CHST4: variants seen among roughly 807,000 people sequenced by gnomAD.
The protein encoded by CHST4 is GST-3.
For missense variants in CHST4, 466 were observed against 506.0 expected, an observed-to-expected ratio of 0.92 and a Z score of 0.76; for synonymous variants, 171 against 195.5, an observed-to-expected ratio of 0.87 and a Z score of 1.05.
intron 1 of CHST4, among the ~76,000 whole-genome samples, chr16:71,532,204 C>A (rs563443189): frequency 4.9e-4 from 74 of 152,148 alleles, no homozygotes; most frequent in African/African-American, 1.6e-3. Flanking sequence ...CCCGCCACCA[C>A]GCCTGGCTAA....
At position 71,536,830 on chromosome 16, in the gene CHST4, G is replaced by GCGCTCTGGCTCTT. The variant is rs1187245004; in HGVS notation, c.155_167dup (p.Phe57LeufsTer58). Reference sequence around the variant, plus strand: ...TGCACGTGCTGGTTCTGTCTTCCTGGCGCTCTGGCTCTTCTTTTGTGGGGC... The same window carrying GCGCTCTGGCTCTT: ...TGCACGTGCTGGTTCTGTCTTCCTGGCGCTCTGGCTCTTCGCTCTGGCTCTTCTTTTGTGGGGC... On this transcript the variant is annotated frameshift_variant, in exon 2 of 2. Coordinates refer to ENST00000539698, the MANE Select transcript of CHST4 (RefSeq NM_001166395.2). LOFTEE classifies it low-confidence loss of function (END_TRUNC). The GCGCTCTGGCTCTT allele has an allele frequency of 1.9e-6, 3 of 1,540,426 alleles. No individual in the cohort carries two copies. Among genetic ancestry groups the GCGCTCTGGCTCTT allele is most frequent in the Non-Finnish European group, 2.6e-6 (3 of 1,144,332 alleles).
chr16:71,537,242 C>T lies in CHST4; in HGVS notation c.565C>T (p.Pro189Ser), dbSNP rs1226818749. Residue 189 changes from proline (P) to serine (S), a missense_variant, in exon 2 of 2, where the codon CCG (proline) becomes TCG (serine). Transcript: ENST00000539698. This position sits in a 1 kb window ranked among gnomAD's most constrained non-coding sequence, Gnocchi z 4.2. ...CTTCTTCAACCTGCAGTCCCTCTACCCGCTGCTGAAAGACCCCTCCCTCAA... is the reference window on the plus strand; with the variant it reads ...CTTCTTCAACCTGCAGTCCCTCTACTCGCTGCTGAAAGACCCCTCCCTCAA... ...VRFFNLQSLY[P>S]LLKDPSLNLH... is the part of the protein sequence containing the mutation. 2 of 1,614,080 alleles carry T rather than the reference C, an allele frequency of 1.2e-6. No individual in the cohort carries two copies.
chr16:71,532,151 C>T (rs910048418), intron 1 of CHST4, among the ~76,000 whole-genome samples: 11 of 151,752 alleles, frequency 7.2e-5, no homozygotes, highest in African/African-American at 2.4e-4. Flanking sequence ...GGGTTCACGC[C>T]GTTCTCCTGC....
At chr16:71,526,782 G>A (rs1427790137) in intron 1 of CHST4, among the ~76,000 whole-genome samples, 1 of 152,132 alleles carries the variant, frequency 6.6e-6, no homozygotes, top group Non-Finnish European at 1.5e-5. Flanking sequence ...ATGGTCCCCT[G>A]GTGCCAACTG....
At chr16:71,529,707 C>A (rs1431460401) in intron 1 of CHST4, among the ~76,000 whole-genome samples, 1 of 151,940 alleles carries the variant, frequency 6.6e-6, no homozygotes, top group Admixed American at 6.6e-5. Flanking sequence ...GAGCCCTGAT[C>A]ATTTGTAGAA....
At position 71,537,012 on chromosome 16, in the gene CHST4, AC is replaced by A. The variant is rs1383221367; in HGVS notation, c.336del (p.Tyr112Ter). On this transcript the variant is annotated frameshift_variant, in exon 2 of 2. Coordinates refer to ENST00000539698, the MANE Select transcript of CHST4 (RefSeq NM_001166395.2). LOFTEE classifies it low-confidence loss of function (END_TRUNC). This position sits in a 1 kb window ranked among gnomAD's most constrained non-coding sequence, Gnocchi z 4.2. Reference protein sequence around the residue: ...FLCDMSVFDAYMEPGPRRQSS... With the variant: ...FLCDMSVFDAXMEPGPRRQSS... ...TGCGACATGAGCGTCTTTGATGCCT[AC>A]ATGGAACCTGGTCCCCGGAGACAGT... The A allele has an allele frequency of 6.2e-7, 1 of 1,613,982 alleles. No homozygotes were observed. Among genetic ancestry groups the A allele is most frequent in the Non-Finnish European group, 8.5e-7 (1 of 1,180,006 alleles).
In CHST4 at chr16:71,538,009, G is replaced by C. The variant is rs1017262143; in HGVS notation, c.*171G>C. 3.1e-6 allele frequency: 2 copies of C among 646,620 alleles called. No individual in the cohort carries two copies. Among genetic ancestry groups the C allele is most frequent in the African/African-American group, 3.7e-5 (2 of 54,524 alleles). 40.1% of individuals were successfully genotyped at this position (646,620 alleles called of 1,614,324 possible). Reference sequence around the variant, plus strand: ...CAGAAGGACTTTTGTGTCCATGCTTGTGTCTAGAAAACAGACTGGGGAACC... The same window carrying C: ...CAGAAGGACTTTTGTGTCCATGCTTCTGTCTAGAAAACAGACTGGGGAACC... On this transcript the variant is annotated 3_prime_UTR_variant, in exon 2 of 2. Transcript: ENST00000539698.
At chr16:71,530,882 A>T (rs1435615485) in intron 1 of CHST4, among the ~76,000 whole-genome samples, 2 of 152,026 alleles carry the variant, frequency 1.3e-5, no homozygotes, top group East Asian at 3.9e-4. Context: ...GGAGTTTGAG[A>T]CCAGCCTGGC....
rs759388461 is a variant in CHST4, at chr16:71,536,948, C to T, written c.271C>T (p.His91Tyr). ...CAAGCAGAGCACCGCCTGGATGCTG[C>T]ACATGGCTGTGCGGGATCTGATACG... ...TFKQSTAWML[H>Y]MAVRDLIRAV... Residue 91 changes from histidine to tyrosine, a missense_variant, in exon 2 of 2, where the codon CAC becomes TAC. His to Tyr is a moderately conservative substitution (Grantham distance 83). Coordinates refer to ENST00000539698, the MANE Select transcript of CHST4 (RefSeq NM_001166395.2). The T allele has an allele frequency of 1.3e-5, 21 of 1,613,654 alleles. No homozygotes were observed. The South Asian group carries it at 1.4e-4, about 11-fold the overall frequency.
At chr16:71,530,386 AG>A (rs2043939123) in intron 1 of CHST4, among the ~76,000 whole-genome samples, 1 of 152,210 alleles carries the variant, frequency 6.6e-6, no homozygotes, top group Non-Finnish European at 1.5e-5. Context: ...CCCAGGTGCG[AG>A]GTGTGGGGAT....
At chr16:71,529,084 TTTTTG>T (rs2145201446) in intron 1 of CHST4, among the ~76,000 whole-genome samples, 1 of 152,116 alleles carries the variant, frequency 6.6e-6, no homozygotes, top group African/African-American at 2.4e-5. Context: ...GAGTTTGGGT[TTTTTG>T]TTTTGTTTTT....
In CHST4 at chr16:71,537,235, C is replaced by T. The variant is rs772176428; in HGVS notation, c.558C>T (p.Ser186=). 1.9e-6 allele frequency: 3 copies of T among 1,614,192 alleles called. No individual in the cohort carries two copies. Among genetic ancestry groups the T allele is most frequent in the Non-Finnish European group, 2.5e-6 (3 of 1,180,034 alleles). Residue 186 remains serine (S), a synonymous_variant, in exon 2 of 2, where the codon TCC becomes TCT. Transcript: ENST00000539698. This position sits in a 1 kb window ranked among gnomAD's most constrained non-coding sequence, Gnocchi z 4.2. The stretch of plus-strand genomic sequence containing the variant: ...AGGTGCGCTTCTTCAACCTGCAGTC[C>T]CTCTACCCGCTGCTGAAAGACCCCT... ...LKEVRFFNLQ[S]LYPLLKDPSL...
intron 1 of CHST4, among the ~76,000 whole-genome samples, chr16:71,535,182 G>T (rs1391025804): frequency 1.3e-5 from 2 of 152,036 alleles, no homozygotes; most frequent in African/African-American, 4.8e-5. Flanking sequence ...ATATTTGTGG[G>T]TTTTTTTGGA....
chr16:71,528,717 G>A (rs886420322), intron 1 of CHST4, among the ~76,000 whole-genome samples: 1 of 152,176 alleles, frequency 6.6e-6, no homozygotes, highest in African/African-American at 2.4e-5. Context: ...AGTTAGGAAT[G>A]CATCCAGTGG....
rs771662092 is a variant in CHST4 at position 71,537,842 on chromosome 16, G to A, written c.*4G>A. ...TGTCCCTGAGCAAATCCACTAAGAG[G>A]GTTGAGAAGGCTTTGCTGCCACCTG... On this transcript the variant is annotated 3_prime_UTR_variant, in exon 2 of 2. Transcript: ENST00000539698. The surrounding 1 kb of genome is among the most constrained non-coding windows in gnomAD (Gnocchi z 4.2). The A allele has an allele frequency of 6.3e-7, 1 of 1,598,998 alleles. No homozygotes were observed. The highest frequency in any genetic ancestry group is 8.5e-7 in the Non-Finnish European group (1 of 1,172,936).
chr16:71,538,540 G>C lies in CHST4; in HGVS notation c.*702G>C, dbSNP rs1230236573. ...TTCTGTTTAGAATGTCCCTTTTTAT[G>C]CTTCTTAATTATTAGCAGTAAATGT... is the stretch of plus-strand genomic sequence containing the variant. On this transcript the variant is annotated 3_prime_UTR_variant, in exon 2 of 2. Transcript: ENST00000539698. 6.0e-6 allele frequency: 1 copy of C among 167,026 alleles called. No homozygotes were observed. The highest frequency in any genetic ancestry group is 6.5e-5 in the Admixed American group (1 of 15,286). The allele number at this position is 167,026 out of a possible 1,614,324, so 10.3% of individuals were successfully genotyped here. A position where few individuals can be genotyped will look rare whatever the true frequency, so the allele number is the denominator to read the frequency against.
intron 1 of CHST4, among the ~76,000 whole-genome samples, chr16:71,532,395 T>C (rs2043955603): frequency 6.6e-6 from 1 of 152,126 alleles, no homozygotes; most frequent in African/African-American, 2.4e-5. Context: ...GGGCAGGAAT[T>C]ACCAGTCATT....
In CHST4 at chr16:71,537,994, TTTGTGTCCATGC is replaced by T; in HGVS notation, c.*164_*175del. 1.5e-6 allele frequency: 1 copy of T among 676,172 alleles called. No individual in the cohort carries two copies. The highest frequency in any genetic ancestry group is 2.0e-5 in the South Asian group (1 of 50,058). The allele number at this position is 676,172 out of a possible 1,614,324, so 41.9% of individuals were successfully genotyped here. A position where few individuals can be genotyped will look rare whatever the true frequency, so the allele number is the denominator to read the frequency against. On this transcript the variant is annotated 3_prime_UTR_variant, in exon 2 of 2. Transcript: ENST00000539698. This position sits in a 1 kb window ranked among gnomAD's most constrained non-coding sequence, Gnocchi z 4.2. ...CCACACGTGCTCAAGCAGAAGGACT[TTTGTGTCCATGC>T]TTGTGTCTAGAAAACAGACTGGGGA...
intron 1 of CHST4, among the ~76,000 whole-genome samples, chr16:71,533,214 C>G (rs2043960979): frequency 6.6e-6 from 1 of 151,874 alleles, no homozygotes; most frequent in Non-Finnish European, 1.5e-5. Flanking sequence ...AACTTGAGGT[C>G]AGGAGTTCGA....
Sources: allele counts gnomAD v4.1 joint callset (sites outside exome capture counted in the v4.1 genomes callset), GRCh38; gene constraint gnomAD v4.1.1; non-coding constraint Gnocchi (gnomAD v3.1); transcripts MANE v1.5; gene names NCBI Gene and HGNC (gene_info 2026-07-23, HGNC 2026-07-21).